Variants in RPS6KA2 observed in about 807,000 individuals in gnomAD.
RPS6KA2 encodes the protein ribosomal protein S6 kinase alpha-2.
A neutral mutation model predicts 91.8 loss-of-function variants in RPS6KA2; 42 were observed. That is an observed-to-expected ratio of 0.46 (90% CI 0.36 to 0.59). The LOEUF is 0.59. RPS6KA2 is among the 20% of genes least tolerant of loss of function. RPS6KA2 has a pLI of 0.00. For missense variants in RPS6KA2, 798 were observed against 978.5 expected, an observed-to-expected ratio of 0.82 and a Z score of 2.46; for synonymous variants, 414 against 393.6, an observed-to-expected ratio of 1.05 and a Z score of -0.61.
chr6:166,546,482 C>CT lies in RPS6KA2; in HGVS notation c.100-7699dup, dbSNP rs35709035. ...TAGTGTGTCACCCTGACTGGGAAAA[C>CT]TTTTTTTTTTTTTTTGTCTCTGAGA... On this transcript the variant is annotated intron_variant, in intron 1 of 20. Transcript: ENST00000265678. 2.2e-3 allele frequency among the ~76,000 whole-genome samples: 316 copies of CT among 144,416 alleles called. 2 individuals are homozygous for CT. The highest frequency in any genetic ancestry group is 3.0e-3 in the Admixed American group (44 of 14,480). 94.7% of individuals were successfully genotyped at this position (144,416 alleles called of 152,430 possible). A position where few individuals can be genotyped will look rare whatever the true frequency, so the allele number is the denominator to read the frequency against.
chr6:166,673,434 T>C (rs1788534626), intron 2 of RPS6KA2, among the ~76,000 whole-genome samples: 2 of 152,174 alleles, frequency 1.3e-5, no homozygotes, highest in Non-Finnish European at 2.9e-5. Flanking sequence ...ACAAGGACCC[T>C]GGAGGAGAAA....
intron 2 of RPS6KA2, among the ~76,000 whole-genome samples, chr6:166,766,660 T>C (rs147012036): frequency 2.0e-5 from 3 of 152,360 alleles, no homozygotes; most frequent in African/African-American, 7.2e-5. Flanking sequence ...ATCAAAGGAT[T>C]TTTCTAGCTC....
chr6:166,782,544 G>A (rs845641), intron 2 of RPS6KA2, among the ~76,000 whole-genome samples: 39,041 of 152,096 alleles, frequency 0.26, 6,141 homozygotes, highest in Middle Eastern at 0.36. Context: ...GCAGCAGCAC[G>A]AGGTTAGAGC....
At chr6:166,468,983 G>A (rs1278672657) in intron 11 of RPS6KA2, among the ~76,000 whole-genome samples, 2 of 152,178 alleles carry the variant, frequency 1.3e-5, no homozygotes, top group African/African-American at 2.4e-5. Context: ...GTTAGGTCAG[G>A]AAAAGAAAAT....
Position 166,767,772 on chromosome 6 carries a change from CAA to C in RPS6KA2, c.123+90426_123+90427del, listed in dbSNP as rs1197905423. 4.3e-3 allele frequency among the ~76,000 whole-genome samples: 320 copies of C among 74,224 alleles called. 2 individuals carry two copies. Among genetic ancestry groups the C allele is most frequent in the Non-Finnish European group, 5.9e-3 (221 of 37,418 alleles). The allele number at this position is 74,224 out of a possible 152,430, so 48.7% of individuals were successfully genotyped here. On this transcript the variant is annotated intron_variant, in intron 2 of 21. Coordinates refer to the RPS6KA2 transcript ENST00000503859. The surrounding 1 kb of genome is among the most constrained non-coding windows in gnomAD (Gnocchi z 4.6). Reference sequence around the variant, plus strand: ...TTAAGAACTAAAGACAATACCTCCTCAAACACACACACACACACACACACACA... The same window carrying C: ...TTAAGAACTAAAGACAATACCTCCTCACACACACACACACACACACACACA...
intron 2 of RPS6KA2, among the ~76,000 whole-genome samples, chr6:166,650,591 C>T (rs895954175): frequency 7.2e-5 from 11 of 152,188 alleles, no homozygotes; most frequent in African/African-American, 2.7e-4. Context: ...CTGTTCAGGC[C>T]TGTGTCCTGC....
chr6:166,515,082 T>C (rs537655565), intron 3 of RPS6KA2, among the ~76,000 whole-genome samples: 1 of 152,228 alleles, frequency 6.6e-6, no homozygotes, highest in East Asian at 1.9e-4. Context: ...AGAACCATGG[T>C]GAGGACCTCG....
intron 2 of RPS6KA2, among the ~76,000 whole-genome samples, chr6:166,721,678 G>A (rs771333485): frequency 4.5e-4 from 69 of 152,310 alleles, no homozygotes; most frequent in Middle Eastern, 3.4e-3. Flanking sequence ...TCTCGGGGAC[G>A]GGAAAGATGC....
intron 3 of RPS6KA2, among the ~76,000 whole-genome samples, chr6:166,530,767 T>C (rs991156849): frequency 6.6e-6 from 1 of 152,360 alleles, no homozygotes; most frequent in Admixed American, 6.5e-5. Flanking sequence ...ACTTGCAGGA[T>C]GGGCGTGCAG....
intron 7 of RPS6KA2, 117 bp from the exon 8 acceptor site, chr6:166,498,767 C>T (rs1349611046): frequency 6.0e-6 from 8 of 1,325,224 alleles, no homozygotes; most frequent in Non-Finnish European, 8.4e-6. Context: ...GTGGGCGCAG[C>T]AGAGCCCTGC....
At chr6:166,431,975 C>A (rs752681764) in intron 15 of RPS6KA2, among the ~76,000 whole-genome samples, 1 of 152,130 alleles carries the variant, frequency 6.6e-6, no homozygotes, top group Non-Finnish European at 1.5e-5. Context: ...ACCGTTTGCA[C>A]GCAGCAGTCA....
At chr6:166,457,362 C>A (rs955378595) in intron 12 of RPS6KA2, among the ~76,000 whole-genome samples, 1 of 152,202 alleles carries the variant, frequency 6.6e-6, no homozygotes, top group Non-Finnish European at 1.5e-5. Flanking sequence ...TAATCCTGTT[C>A]TGTGAATTGG....
chr6:166,830,136 AAAAAAGAAAG>A (rs1440265071), intron 2 of RPS6KA2, among the ~76,000 whole-genome samples: 8 of 108,318 alleles, frequency 7.4e-5, no homozygotes, highest in South Asian at 3.4e-4. Context: ...AAAAAAAAAA[AAAAAAGAAAG>A]AAAGAAAGAA....
At position 166,510,303 on chromosome 6, in the gene RPS6KA2, T is replaced by A. The variant is rs1310377211; in HGVS notation, c.353A>T (p.His118Leu). 2.7e-5 allele frequency: 43 copies of A among 1,604,100 alleles called. No individual in the cohort carries two copies. The highest frequency in any genetic ancestry group is 3.5e-5 in the Non-Finnish European group (41 of 1,173,794). The change falls in exon 4 of 21, where the codon CAC (histidine) becomes CTC (leucine). Residue 118 changes from histidine (H) to leucine (L), a missense_variant. Physicochemically the swap from His to Leu is moderately conservative, Grantham distance 99. Coordinates refer to ENST00000265678, the MANE Select transcript of RPS6KA2 (RefSeq NM_021135.6). ...ATAATGAAGCTTCACAATGAAGGGGTGATTCACTTCTGCCAAGATGTCTCT... is the reference window on the plus strand; with the variant it reads ...ATAATGAAGCTTCACAATGAAGGGGAGATTCACTTCTGCCAAGATGTCTCT... ...MERDILAEVN[H>L]PFIVKLHYAF...
intron 2 of RPS6KA2, among the ~76,000 whole-genome samples, chr6:166,777,065 T>C (rs11968120): frequency 0.011 from 1,679 of 152,186 alleles, 29 homozygotes; most frequent in African/African-American, 0.035. Context: ...TGGGTTTTAA[T>C]ATGCTGGAGA....
chr6:166,622,638 T>C (rs1224849723), intron 1 of RPS6KA2, among the ~76,000 whole-genome samples: 1 of 152,212 alleles, frequency 6.6e-6, no homozygotes, highest in Non-Finnish European at 1.5e-5. Context: ...GGAGCCAATA[T>C]TGTTCCTGAT....
intron 2 of RPS6KA2, among the ~76,000 whole-genome samples, chr6:166,788,027 C>A (rs1190795532): frequency 7.6e-5 from 11 of 144,148 alleles, no homozygotes; most frequent in African/African-American, 2.8e-4. Flanking sequence ...AGGATATGAA[C>A]CGACACTTCT....
At chr6:166,723,278 A>C (rs1161068606) in intron 2 of RPS6KA2, among the ~76,000 whole-genome samples, 1 of 152,210 alleles carries the variant, frequency 6.6e-6, no homozygotes, top group East Asian at 1.9e-4. Context: ...ACTTTTAAGG[A>C]CCAGCTGAGG....
At chr6:166,630,100 G>C (rs139318661), upstream of RPS6KA2, among the ~76,000 whole-genome samples, 1 of 152,308 alleles carries the variant, frequency 6.6e-6, no homozygotes, top group East Asian at 1.9e-4. Context: ...GAAGATGAGG[G>C]AATAAGTTTC....
Sources: gnomAD v4.1 joint callset for allele counts (sites outside exome capture counted in the v4.1 genomes callset) on GRCh38, gnomAD v4.1.1 for gene constraint, Gnocchi (gnomAD v3.1) non-coding constraint, MANE v1.5 for transcripts, NCBI Gene and HGNC (gene_info 2026-07-23, HGNC 2026-07-21) for gene names.